Variants in ETV3 observed in about 807,000 individuals in gnomAD.
The protein encoded by ETV3 is ETS variant transcription factor 3.
A neutral mutation model predicts 33.0 loss-of-function variants in ETV3; 8 were observed. That is an observed-to-expected ratio of 0.24 (90% CI 0.14 to 0.44). ETV3 has a LOEUF of 0.44. ETV3 is among the 20% of genes least tolerant of loss of function. The pLI is 1.00. For missense variants in ETV3, 473 were observed against 652.3 expected, an observed-to-expected ratio of 0.73 and a Z score of 2.99; for synonymous variants, 222 against 238.9, an observed-to-expected ratio of 0.93 and a Z score of 0.65.
chr1:157,126,897 C>T (rs1302333079), intron 4 of ETV3, among the ~76,000 whole-genome samples: 22 of 147,648 alleles, frequency 1.5e-4, no homozygotes, highest in Admixed American at 1.5e-3. Context: ...GCTGCCCTGG[C>T]TGACTGTGGG....
At chr1:157,130,697 C>T (rs1348982707) in intron 4 of ETV3, among the ~76,000 whole-genome samples, 2 of 152,188 alleles carry the variant, frequency 1.3e-5, no homozygotes, top group Non-Finnish European at 2.9e-5. Flanking sequence ...TAGGTCAGCA[C>T]AGGGCCTATT....
In ETV3 at chr1:157,126,196, C is replaced by A. The variant is rs145307664; in HGVS notation, c.401-217G>T. On this transcript the variant is annotated intron_variant, in intron 4 of 4. Transcript: ENST00000368192. ...GGCTCTTCACTGTCTTCACAGTACT[C>A]CTTACTGTCAAAAACATTGTAATTG... 2.8e-4 allele frequency among the ~76,000 whole-genome samples: 43 copies of A among 152,322 alleles called. No homozygotes were observed. In the East Asian group the frequency reaches 8.3e-3, roughly 29 times the overall value.
chr1:157,135,255 A>C, intron 3 of ETV3: 1 of 621,662 alleles, frequency 1.6e-6, no homozygotes, highest in Non-Finnish European at 2.8e-6. Context: ...GCCACATTGG[A>C]ATCCCCTCCT....
intron 1 of ETV3, among the ~76,000 whole-genome samples, chr1:157,137,961 G>A (rs886590636): frequency 7.2e-5 from 11 of 152,150 alleles, no homozygotes; most frequent in Non-Finnish European, 1.6e-4. Context: ...CTCTGATCGC[G>A]ACCACTCCCC....
chr1:157,137,513 C>A (rs1372626780), intron 1 of ETV3, among the ~76,000 whole-genome samples: 4 of 49,532 alleles, frequency 8.1e-5, no homozygotes, highest in African/African-American at 5.8e-4. Context: ...AGGAAAAACA[C>A]ACACACACAC....
In ETV3 at chr1:157,122,911, A is replaced by C. The variant is rs1168921767; in HGVS notation, c.*1930T>G. 6.6e-6 allele frequency: 1 copy of C among 152,240 alleles called. No homozygotes were observed. The highest frequency in any genetic ancestry group is 1.5e-5 in the Non-Finnish European group (1 of 68,082). The allele number at this position is 152,240 out of a possible 1,614,324, so 9.4% of individuals were successfully genotyped here. On this transcript the variant is annotated 3_prime_UTR_variant, in exon 5 of 5. Coordinates refer to ENST00000368192, the MANE Select transcript of ETV3 (RefSeq NM_001145312.3). The stretch of plus-strand genomic sequence containing the variant: ...AGGTCACTCATGGAATTTGAATCAA[A>C]CATGGGGGAGGACACCTGCCAAGCA...
chr1:157,126,092 C>T, intron 4 of ETV3, 113 bp from the exon 5 acceptor site: 3 of 975,746 alleles, frequency 3.1e-6, no homozygotes, highest in Admixed American at 2.9e-5. Flanking sequence ...ATCATTCCAA[C>T]TGGACTGAAT....
Position 157,122,919 on chromosome 1 carries a change from G to A in ETV3, c.*1922C>T, listed in dbSNP as rs1674735534. 1 of 152,180 alleles carries A rather than the reference G, an allele frequency of 6.6e-6. No individual in the cohort carries two copies. Among genetic ancestry groups the A allele is most frequent in the Non-Finnish European group, 1.5e-5 (1 of 68,076 alleles). The allele number at this position is 152,180 out of a possible 1,614,324, so 9.4% of individuals were successfully genotyped here. A position where few individuals can be genotyped will look rare whatever the true frequency, so the allele number is the denominator to read the frequency against. Reference sequence around the variant, plus strand: ...CATGGAATTTGAATCAAACATGGGGGAGGACACCTGCCAAGCAATAGTATG... The same window carrying A: ...CATGGAATTTGAATCAAACATGGGGAAGGACACCTGCCAAGCAATAGTATG... On this transcript the variant is annotated 3_prime_UTR_variant, in exon 5 of 5. Transcript: ENST00000368192.
chr1:157,137,258 C>T (rs1413559384), intron 1 of ETV3, among the ~76,000 whole-genome samples: 2 of 152,208 alleles, frequency 1.3e-5, no homozygotes, highest in East Asian at 3.9e-4. Context: ...GATCTACCCT[C>T]GCTGTTCCCC....
chr1:157,125,031 T>C lies in ETV3; in HGVS notation c.1349A>G (p.Asp450Gly). 6.4e-7 allele frequency: 1 copy of C among 1,551,390 alleles called. No individual in the cohort carries two copies. The highest frequency in any genetic ancestry group is 8.7e-7 in the Non-Finnish European group (1 of 1,146,800). ...PSGEPLEVTE[D>G]SEDRPGKEPS... Reference sequence around the variant, plus strand: ...CTCTTTGCCAGGCCTATCCTCACTGTCTTCAGTCACCTCCAGAGGTTCTCC... The same window carrying C: ...CTCTTTGCCAGGCCTATCCTCACTGCCTTCAGTCACCTCCAGAGGTTCTCC... The change falls in exon 5 of 5, where the codon GAC becomes GGC. Residue 450 changes from aspartate (D) to glycine (G), a missense_variant. Around this residue, in one of 3 missense-constraint regions of ETV3, gnomAD observed 410 missense variants for 520.2 expected, o/e 0.79. Coordinates refer to ENST00000368192, the MANE Select transcript of ETV3 (RefSeq NM_001145312.3). This position sits in a 1 kb window ranked among gnomAD's most constrained non-coding sequence, Gnocchi z 4.0.
rs1170521391 is a variant in ETV3, at chr1:157,124,941, C to A, written c.1439G>T (p.Trp480Leu). The change falls in exon 5 of 5, where the codon TGG becomes TTG. Residue 480 changes from tryptophan to leucine, a missense_variant. Trp to Leu is a moderately conservative substitution (Grantham distance 61). Transcript: ENST00000368192. Reference protein sequence around the residue: ...MPPKLRLKRRWNDDPEARELS... With the variant: ...MPPKLRLKRRLNDDPEARELS... The stretch of plus-strand genomic sequence containing the variant: ...CTCTCGGGCTTCAGGGTCATCATTC[C>A]AGCGCCGCTTCAACCGAAGCTTGGG... 1.9e-6 allele frequency: 3 copies of A among 1,551,658 alleles called. No individual in the cohort carries two copies. Among genetic ancestry groups the A allele is most frequent in the Non-Finnish European group, 8.7e-7 (1 of 1,147,038 alleles).
At chr1:157,135,321 A>G (rs1034730048) in intron 3 of ETV3, 150 bp downstream of exon 3, 3 of 926,810 alleles carry the variant, frequency 3.2e-6, no homozygotes, top group Non-Finnish European at 4.9e-6. Context: ...CTCACATTCA[A>G]CAGCTCTTCT....
At position 157,121,352 on chromosome 1, in the gene ETV3, A is replaced by C. The variant is rs190363166; in HGVS notation, c.*3489T>G. On this transcript the variant is annotated 3_prime_UTR_variant, in exon 5 of 5. Transcript: ENST00000368192. ...CATATATATATAATATATATGCAAA[A>C]ATTTGAAGACTTTATAGAAAGCGGA... 6.6e-6 allele frequency: 1 copy of C among 151,874 alleles called. No homozygotes were observed. Among genetic ancestry groups the C allele is most frequent in the Non-Finnish European group, 1.5e-5 (1 of 67,938 alleles). The allele number at this position is 151,874 out of a possible 1,614,324, so 9.4% of individuals were successfully genotyped here. A position where few individuals can be genotyped will look rare whatever the true frequency, so the allele number is the denominator to read the frequency against.
chr1:157,124,758 T>TCCCCCCCCC lies in ETV3; in HGVS notation c.*82_*83insGGGGGGGGG. On this transcript the variant is annotated 3_prime_UTR_variant, in exon 5 of 5. Coordinates refer to ENST00000368192, the MANE Select transcript of ETV3 (RefSeq NM_001145312.3). ...GAATGATCAAACCAGTTTAACTCCC[T>TCCCCCCCCC]CCCCCCCACCCTGAAATCTTGCTAC... 2 of 172,418 alleles carry TCCCCCCCCC rather than the reference T, an allele frequency of 1.2e-5. No homozygotes were observed. The highest frequency in any genetic ancestry group is 4.2e-5 in the South Asian group (1 of 23,578). 10.7% of individuals were successfully genotyped at this position (172,418 alleles called of 1,614,324 possible). A position where few individuals can be genotyped will look rare whatever the true frequency, so the allele number is the denominator to read the frequency against.
At chr1:157,136,791 G>A (rs1175373503) in intron 1 of ETV3, among the ~76,000 whole-genome samples, 1 of 152,144 alleles carries the variant, frequency 6.6e-6, no homozygotes, top group Non-Finnish European at 1.5e-5. Context: ...TCACCAAGAT[G>A]TACCAGTTTA....
intron 4 of ETV3, among the ~76,000 whole-genome samples, chr1:157,132,027 A>ATC (rs1205565407): frequency 6.6e-6 from 1 of 152,180 alleles, no homozygotes; most frequent in Non-Finnish European, 1.5e-5. Flanking sequence ...TAGTGGCATG[A>ATC]TCTCAGCTCA....
chr1:157,126,327 CAAT>C (rs1674834721), intron 4 of ETV3, among the ~76,000 whole-genome samples: 1 of 152,132 alleles, frequency 6.6e-6, no homozygotes, highest in Admixed American at 6.5e-5. Context: ...TTCCTGTACA[CAAT>C]AAATATTAAG....
rs1042087064 is a variant in ETV3 at position 157,122,480 on chromosome 1, AGT to A, written c.*2359_*2360del. 3.3e-5 allele frequency: 5 copies of A among 152,150 alleles called. No individual in the cohort carries two copies. The highest frequency in any genetic ancestry group is 1.2e-4 in the African/African-American group (5 of 41,418). 9.4% of individuals were successfully genotyped at this position (152,150 alleles called of 1,614,324 possible). On this transcript the variant is annotated 3_prime_UTR_variant, in exon 5 of 5. Transcript: ENST00000368192. ...TTTTCATGGAGTTGAACATTTTTCG[AGT>A]GTGTTTTTTTCAAGTGTAAAAGCAG... is the stretch of plus-strand genomic sequence containing the variant.
At chr1:157,127,542 C>CTTT (rs779661847) in intron 4 of ETV3, among the ~76,000 whole-genome samples, 3 of 133,558 alleles carry the variant, frequency 2.2e-5, no homozygotes, top group African/African-American at 2.7e-5. Flanking sequence ...CTTATGTCAA[C>CTTT]TTTTTTTTTT....
Sources: allele counts gnomAD v4.1 joint callset (sites outside exome capture counted in the v4.1 genomes callset), GRCh38; gene constraint gnomAD v4.1.1; regional missense constraint gnomAD v4.1.1; non-coding constraint Gnocchi (gnomAD v3.1); transcripts MANE v1.5; gene names NCBI Gene and HGNC (gene_info 2026-07-23, HGNC 2026-07-21).